Variants in SPON1 observed in about 807,000 individuals in gnomAD.
SPON1 encodes the protein spondin 1, also known as spondin-1.
In SPON1, 52 loss-of-function variants were observed where a neutral mutation model predicts 111.7. The observed-to-expected ratio is 0.47, with a 90% CI of 0.37 to 0.59. The LOEUF (loss-of-function observed/expected upper bound fraction) is 0.59, where lower values mean the gene tolerates loss of function less well. Among genes scored for constraint, SPON1 ranks in the 20% least tolerant of loss-of-function variants. The probability of loss-of-function intolerance (pLI) is 0.00; values close to 1 mark genes in which losing one functional copy is unlikely to be tolerated. For synonymous variants in SPON1, 410 were observed against 395.8 expected, an observed-to-expected ratio of 1.04 and a Z score of -0.43; for missense variants, 957 against 1,068.5, an observed-to-expected ratio of 0.90 and a Z score of 1.46.
intron 1 of SPON1, among the ~76,000 whole-genome samples, chr11:13,973,227 A>G (rs1367604640): frequency 6.6e-6 from 1 of 152,250 alleles, no homozygotes; most frequent in African/African-American, 2.4e-5. Flanking sequence ...TATGGGTCAC[A>G]TGGCCAGGGC....
chr11:14,173,606 T>C (rs575925032), intron 6 of SPON1, among the ~76,000 whole-genome samples: 2 of 152,162 alleles, frequency 1.3e-5, no homozygotes, highest in African/African-American at 2.4e-5. Flanking sequence ...GCTCTGTTTT[T>C]CCCCCATCTT....
intron 6 of SPON1, among the ~76,000 whole-genome samples, chr11:14,192,775 C>T (rs1848360931): frequency 6.9e-6 from 1 of 143,904 alleles, no homozygotes; most frequent in Admixed American, 7.0e-5. Context: ...AGAGGTGGGA[C>T]AGGAAGTTGT....
intron 7 of SPON1, among the ~76,000 whole-genome samples, chr11:14,245,841 G>A (rs1343926331): frequency 1.3e-5 from 2 of 152,164 alleles, no homozygotes; most frequent in East Asian, 1.9e-4. Flanking sequence ...GAAGCAACAC[G>A]AGGCAGGGCC....
chr11:14,136,046 C>T (rs1847588132), intron 6 of SPON1, among the ~76,000 whole-genome samples: 1 of 152,164 alleles, frequency 6.6e-6, no homozygotes, highest in Non-Finnish European at 1.5e-5. Flanking sequence ...CTTCTGTGTC[C>T]TATGCTGTGT....
At chr11:14,262,634 T>C (rs2133928566) in intron 14 of SPON1, 78 bp from the exon 15 acceptor site, 7 of 1,563,900 alleles carry the variant, frequency 4.5e-6, no homozygotes, top group East Asian at 4.5e-5. Context: ...CATAGGCTTG[T>C]TGAGATGTTC....
intron 15 of SPON1, 66 bp downstream of exon 15, chr11:14,263,041 C>G: frequency 1.0e-6 from 1 of 1,000,654 alleles, no homozygotes; most frequent in Non-Finnish European, 1.4e-6. Context: ...TGGGCTAAGT[C>G]TTGGACCTGT....
rs573616117 is a variant in SPON1, at chr11:14,060,322, C to A, written c.480-15023C>A. ...GCCTAATACCAAGGATACCTACATA[C>A]TATCTAATACCCAGTAGTTTTAGCT... On this transcript the variant is annotated intron_variant, in intron 3 of 15. Transcript: ENST00000576479. Among the ~76,000 whole-genome samples the A allele has an allele frequency of 6.6e-5, 10 of 152,282 alleles. No individual in the cohort carries two copies. The South Asian group carries it at 2.1e-3, about 32-fold the overall frequency.
At chr11:14,129,054 T>G (rs77416156) in intron 5 of SPON1, among the ~76,000 whole-genome samples, 3,292 of 152,344 alleles carry the variant, frequency 0.022, 114 homozygotes, top group African/African-American at 0.075. Flanking sequence ...CAGCCTGTGA[T>G]AGCAGGGGCT....
chr11:14,056,878 G>A (rs139856458), intron 3 of SPON1, among the ~76,000 whole-genome samples: 185 of 152,158 alleles, frequency 1.2e-3, no homozygotes, highest in African/African-American at 4.2e-3. Context: ...GTGACAGAGC[G>A]AGACTCCATC....
chr11:13,976,226 T>A (rs900314436), intron 1 of SPON1, among the ~76,000 whole-genome samples: 4 of 152,222 alleles, frequency 2.6e-5, no homozygotes, highest in African/African-American at 4.8e-5. Context: ...TCCTTTTTTT[T>A]AATCCTTCAT....
intron 6 of SPON1, among the ~76,000 whole-genome samples, chr11:14,198,899 T>C (rs968410861): frequency 4.6e-5 from 7 of 152,212 alleles, no homozygotes; most frequent in African/African-American, 9.6e-5. Flanking sequence ...TGCATTTTTT[T>C]AAACTGACTC....
intron 4 of SPON1, 29 bp from the exon 5 acceptor site, chr11:14,079,870 T>G: frequency 6.2e-7 from 1 of 1,613,800 alleles, no homozygotes; most frequent in Non-Finnish European, 8.5e-7. Context: ...GTTTACTTTC[T>G]AACTTGGTGA....
chr11:14,032,020 A>G (rs549538869), intron 2 of SPON1, among the ~76,000 whole-genome samples: 258 of 152,380 alleles, frequency 1.7e-3, no homozygotes, highest in Admixed American at 2.0e-3. Flanking sequence ...GCCCCAAATT[A>G]TAAACAACAA....
At chr11:14,008,538 TG>T (rs1318907705) in intron 2 of SPON1, among the ~76,000 whole-genome samples, 1 of 152,104 alleles carries the variant, frequency 6.6e-6, no homozygotes, top group African/African-American at 2.4e-5. Context: ...GTGTTCTCTA[TG>T]GGGGGAAAAG....
At chr11:14,165,548 A>G (rs1275251907) in intron 6 of SPON1, among the ~76,000 whole-genome samples, 2 of 152,206 alleles carry the variant, frequency 1.3e-5, no homozygotes, top group Non-Finnish European at 2.9e-5. Flanking sequence ...CCAGCCTACT[A>G]TAAGGTAAAT....
intron 6 of SPON1, among the ~76,000 whole-genome samples, chr11:14,223,864 T>TG (rs1374723176): frequency 1.3e-5 from 2 of 152,156 alleles, no homozygotes; most frequent in East Asian, 1.9e-4. Context: ...AAGAAAACAC[T>TG]GGGGGGTCCA....
Position 14,259,916 on chromosome 11 carries a change from A to T in SPON1, c.1831+215A>T, listed in dbSNP as rs1472217752. Among the ~76,000 whole-genome samples, 1 of 152,214 alleles carries T rather than the reference A, an allele frequency of 6.6e-6. No individual in the cohort carries two copies. ...GTAACCTCCACTGGGGGACATTCTAAGCAATGCTGGGGTGGCAAACTGGTG... is the reference window on the plus strand; with the variant it reads ...GTAACCTCCACTGGGGGACATTCTATGCAATGCTGGGGTGGCAAACTGGTG... On this transcript the variant is annotated intron_variant, in intron 13 of 15. Coordinates refer to ENST00000576479, the MANE Select transcript of SPON1 (RefSeq NM_006108.4). This position sits in a 1 kb window ranked among gnomAD's most constrained non-coding sequence, Gnocchi z 5.0.
chr11:14,046,135 G>A (rs1445828726), intron 3 of SPON1, among the ~76,000 whole-genome samples: 1 of 152,156 alleles, frequency 6.6e-6, no homozygotes, highest in African/African-American at 2.4e-5. Flanking sequence ...CAGTGAAGGA[G>A]GGCTATACAA....
chr11:14,248,448 AC>A (rs1849017535), intron 7 of SPON1, among the ~76,000 whole-genome samples: 1 of 152,012 alleles, frequency 6.6e-6, no homozygotes, highest in Admixed American at 6.6e-5. Flanking sequence ...CATTTCACCT[AC>A]CCCTCAGACT....
Sources: gnomAD v4.1 joint callset for allele counts (sites outside exome capture counted in the v4.1 genomes callset) on GRCh38, gnomAD v4.1.1 for gene constraint, Gnocchi (gnomAD v3.1) non-coding constraint, MANE v1.5 for transcripts, NCBI Gene and HGNC (gene_info 2026-07-23, HGNC 2026-07-21) for gene names.